DNAH8: variants seen among roughly 807,000 people sequenced by gnomAD.
DNAH8 encodes axonemal beta dynein heavy chain 8.
In DNAH8, 382 loss-of-function variants were observed where a neutral mutation model predicts 562.1. That is an observed-to-expected ratio of 0.68 (90% CI 0.63 to 0.74). DNAH8 has a LOEUF of 0.74. Ranked by LOEUF, DNAH8 falls within the 30% of genes least tolerant of loss-of-function variation. The pLI is 0.00. For missense variants in DNAH8, 5,203 were observed against 5,620.4 expected, an observed-to-expected ratio of 0.93 and a Z score of 2.37; for synonymous variants, 1,881 against 1,919.4, an observed-to-expected ratio of 0.98 and a Z score of 0.52.
intron 43 of DNAH8, among the ~76,000 whole-genome samples, chr6:38,860,868 A>G (rs1380227259): frequency 6.6e-6 from 1 of 152,232 alleles, no homozygotes; most frequent in Non-Finnish European, 1.5e-5. Context: ...GAGTGATTTA[A>G]TGGTGAATTT....
intron 54 of DNAH8, 32 bp downstream of exon 54, chr6:38,883,084 A>G: frequency 2.6e-6 from 4 of 1,536,048 alleles, no homozygotes; most frequent in Non-Finnish European, 3.5e-6. Context: ...TTAAATGATC[A>G]CAAACCATCC....
chr6:38,786,830 A>C lies in DNAH8; in HGVS notation c.2461A>C (p.Lys821Gln), dbSNP rs754431773. The C allele has an allele frequency of 3.1e-6, 5 of 1,613,636 alleles. No individual in the cohort carries two copies. Among genetic ancestry groups the C allele is most frequent in the Non-Finnish European group, 2.5e-6 (3 of 1,179,790 alleles). ...GAAGTTGCTGGTTAATTTCGATCCC[A>C]AAATTTTGGAAGTTGTTCGGGAAAC... ...TGKLLVNFDP[K>Q]ILEVVRETKC... The change falls in exon 18 of 93, where the codon AAA becomes CAA. Residue 821 changes from lysine (K) to glutamine (Q), a missense_variant. Transcript: ENST00000327475.
intron 88 of DNAH8, among the ~76,000 whole-genome samples, chr6:38,995,057 C>A (rs1765046046): frequency 9.2e-6 from 1 of 108,266 alleles, no homozygotes; most frequent in Non-Finnish European, 2.0e-5. Flanking sequence ...CCCCTCATTG[C>A]TCTTTTTTTT....
At chr6:38,791,431 G>A in intron 20 of DNAH8, 124 bp from the exon 21 acceptor site, 1 of 1,188,268 alleles carries the variant, frequency 8.4e-7, no homozygotes, top group South Asian at 1.7e-5. Context: ...ATTATGCTTG[G>A]CTCAAGATGC....
rs146969727 is a variant in DNAH8, at chr6:38,733,866, G to A, written c.611-608G>A. Among the ~76,000 whole-genome samples the A allele has an allele frequency of 4.1e-3, 612 of 150,642 alleles. 3 individuals carry two copies. The highest frequency in any genetic ancestry group is 0.017 in the Middle Eastern group (5 of 292). On this transcript the variant is annotated intron_variant, in intron 4 of 92. Coordinates refer to ENST00000327475, the MANE Select transcript of DNAH8 (RefSeq NM_001206927.2). ...GTGGAGGTTGCAGTGAACTGAGATT[G>A]TGCCACAGCACTGCAGCCTGGGAGA...
intron 89 of DNAH8, 146 bp downstream of exon 89, chr6:39,009,116 C>G: frequency 1.9e-6 from 1 of 527,124 alleles, no homozygotes; most frequent in Non-Finnish European, 3.4e-6. Flanking sequence ...TATTACTAAA[C>G]TCTGCATCTC....
chr6:38,802,700 C>T (rs1481794757), intron 21 of DNAH8, among the ~76,000 whole-genome samples: 3 of 152,164 alleles, frequency 2.0e-5, no homozygotes, highest in Non-Finnish European at 1.5e-5. Context: ...ATTACTCATC[C>T]CAAGATCAGT....
rs376088517 is a variant in DNAH8 at position 38,841,725 on chromosome 6, AT to A, written c.4467-632del. On this transcript the variant is annotated intron_variant, in intron 33 of 92. Transcript: ENST00000327475. ...GTAACTTCATCTGGGCACATGTGGG[AT>A]TTTTTTTTTTGGATAGGATCTTGTT... Among the ~76,000 whole-genome samples the A allele has an allele frequency of 0.011, 1,581 of 147,438 alleles. 88 individuals are homozygous for A. In the East Asian group the frequency reaches 0.15, roughly 14 times the overall value.
intron 53 of DNAH8, among the ~76,000 whole-genome samples, chr6:38,879,586 C>G (rs1778305639): frequency 6.6e-6 from 1 of 152,146 alleles, no homozygotes; most frequent in Admixed American, 6.5e-5. Flanking sequence ...TACAAAATAC[C>G]TACAGCTAAC....
At chr6:38,785,847 G>C (rs1769111032) in intron 17 of DNAH8, among the ~76,000 whole-genome samples, 1 of 152,078 alleles carries the variant, frequency 6.6e-6, no homozygotes, top group African/African-American at 2.4e-5. Context: ...CATCATTAAG[G>C]GCCATATCAA....
chr6:39,004,675 G>T (rs12213273), intron 88 of DNAH8, among the ~76,000 whole-genome samples: 14,895 of 152,126 alleles, frequency 0.098, 878 homozygotes, highest in Admixed American at 0.19. Context: ...AGAAATGTTG[G>T]GCCCATTTGT....
At chr6:38,897,546 A>T (rs181853351) in intron 60 of DNAH8, among the ~76,000 whole-genome samples, 23 of 152,336 alleles carry the variant, frequency 1.5e-4, no homozygotes, top group Non-Finnish European at 4.4e-5. Context: ...CTAAATTAAT[A>T]TATAGGTTTA....
intron 88 of DNAH8, among the ~76,000 whole-genome samples, chr6:39,008,289 C>T (rs534077043): frequency 3.3e-5 from 5 of 151,950 alleles, no homozygotes; most frequent in Admixed American, 6.6e-5. Flanking sequence ...CAGGTGGAGC[C>T]GATGGGCGTC....
At position 38,860,443 on chromosome 6, in the gene DNAH8, T is replaced by C; in HGVS notation, c.5959-14T>C. 2.2e-6 allele frequency: 3 copies of C among 1,379,598 alleles called. No individual in the cohort carries two copies. Among genetic ancestry groups the C allele is most frequent in the Non-Finnish European group, 2.8e-6 (3 of 1,052,718 alleles). 85.5% of individuals were successfully genotyped at this position (1,379,598 alleles called of 1,614,324 possible). A position where few individuals can be genotyped will look rare whatever the true frequency, so the allele number is the denominator to read the frequency against. ...AATTCAGTATATAATTTTTTTGTAT[T>C]TTATGTTTTTAAGGTAAAAATGCAT... On this transcript the variant is annotated splice_polypyrimidine_tract_variant and intron_variant, in intron 42 of 92. Transcript: ENST00000327475.
At chr6:38,908,611 G>A (rs1780659078) in intron 64 of DNAH8, among the ~76,000 whole-genome samples, 1 of 152,136 alleles carries the variant, frequency 6.6e-6, no homozygotes, top group Non-Finnish European at 1.5e-5. Context: ...GAAGTGCAGT[G>A]GCATGATCAT....
chr6:38,749,886 C>T (rs984843869), intron 8 of DNAH8, among the ~76,000 whole-genome samples: 1 of 152,136 alleles, frequency 6.6e-6, no homozygotes, highest in Admixed American at 6.5e-5. Flanking sequence ...GGCTGGAGTG[C>T]AGTGGCGCGA....
chr6:39,009,076 G>A (rs1405486621), intron 89 of DNAH8, 106 bp downstream of exon 89: 4 of 739,814 alleles, frequency 5.4e-6, no homozygotes, highest in East Asian at 2.6e-5. Flanking sequence ...TGACTATGTG[G>A]CAGATTACCT....
At chr6:38,895,519 A>G (rs1407181929) in intron 59 of DNAH8, among the ~76,000 whole-genome samples, 2 of 152,180 alleles carry the variant, frequency 1.3e-5, no homozygotes, top group Non-Finnish European at 2.9e-5. Flanking sequence ...TCATCCCTTT[A>G]AAGTTAAACA....
At chr6:38,799,028 C>T (rs1443150704) in intron 21 of DNAH8, among the ~76,000 whole-genome samples, 2 of 152,146 alleles carry the variant, frequency 1.3e-5, no homozygotes, top group Non-Finnish European at 2.9e-5. Context: ...CTTGGTGCCT[C>T]CTCTTGGGTT....
Sources: allele counts gnomAD v4.1 joint callset (sites outside exome capture counted in the v4.1 genomes callset), GRCh38; gene constraint gnomAD v4.1.1; transcripts MANE v1.5; gene names NCBI Gene and HGNC (gene_info 2026-07-23, HGNC 2026-07-21).